The following LRRTM4 variants were observed in gnomAD, a reference collection of about 807,000 sequenced individuals.
LRRTM4 encodes the protein leucine rich repeat transmembrane neuronal 4.
LRRTM4 carries 25 observed loss-of-function variants against 47.6 expected under a neutral mutation model. The observed-to-expected ratio is 0.53, with a 90% CI of 0.38 to 0.73. LRRTM4 has a LOEUF of 0.73. LRRTM4 is among the 30% of genes least tolerant of loss of function. The probability of loss-of-function intolerance (pLI) is 0.00; values close to 1 mark genes in which losing one functional copy is unlikely to be tolerated. For synonymous variants in LRRTM4, 311 were observed against 269.5 expected (o/e 1.15, Z -1.51); for missense variants, 638 against 713.4 (o/e 0.89, Z 1.20).
chr2:77,143,055 G>A (rs999511541), intron 3 of LRRTM4, among the ~76,000 whole-genome samples: 25 of 151,998 alleles, frequency 1.6e-4, no homozygotes, highest in African/African-American at 6.0e-4. Flanking sequence ...TCACAAAATG[G>A]CAACACAAGC....
intron 3 of LRRTM4, among the ~76,000 whole-genome samples, chr2:76,864,405 C>G (rs1573227992): frequency 6.6e-6 from 1 of 152,118 alleles, no homozygotes; most frequent in African/African-American, 2.4e-5. Flanking sequence ...TGCCTGTAAT[C>G]CAAGCACTTT....
intron 3 of LRRTM4, among the ~76,000 whole-genome samples, chr2:76,796,964 G>A (rs554982670): frequency 1.3e-5 from 2 of 152,204 alleles, no homozygotes; most frequent in African/African-American, 4.8e-5. Context: ...ATGGGACTAT[G>A]TGAAAAGACC....
intron 3 of LRRTM4, among the ~76,000 whole-genome samples, chr2:76,795,482 A>T (rs1306901067): frequency 6.6e-6 from 1 of 152,190 alleles, no homozygotes; most frequent in Non-Finnish European, 1.5e-5. Context: ...TACATTGTGT[A>T]GGTGTTAATA....
chr2:76,911,629 A>T (rs1415821142), intron 3 of LRRTM4, among the ~76,000 whole-genome samples: 1 of 152,070 alleles, frequency 6.6e-6, no homozygotes, highest in African/African-American at 2.4e-5. Flanking sequence ...CGGCAGAGAG[A>T]GAGAAAAGAA....
intron 3 of LRRTM4, among the ~76,000 whole-genome samples, chr2:77,491,371 C>G (rs1678155211): frequency 1.3e-5 from 2 of 151,436 alleles, no homozygotes; most frequent in South Asian, 4.2e-4. Context: ...AAAAAAAAAT[C>G]AGATGGAAAT....
rs1558683433 is a variant in LRRTM4, at chr2:77,313,291, A to ACCTGGTGCTGGGATGTGCCCCCCTAC, written c.1551+205026_1551+205027insGTAGGGGGGCACATCCCAGCACCAGG. Among the ~76,000 whole-genome samples the ACCTGGTGCTGGGATGTGCCCCCCTAC allele has an allele frequency of 3.5e-3, 326 of 92,004 alleles. 5 individuals are homozygous for ACCTGGTGCTGGGATGTGCCCCCCTAC. The highest frequency in any genetic ancestry group is 8.6e-3 in the African/African-American group (161 of 18,624). 60.4% of individuals were successfully genotyped at this position (92,004 alleles called of 152,430 possible). On this transcript the variant is annotated intron_variant, in intron 3 of 3. Transcript: ENST00000409884. ...CCTGTTGCTGGGATGTGCCCCCCTAACTTTTCCTGGGACCTGGTGCTGGGA... is the reference window on the plus strand; with the variant it reads ...CCTGTTGCTGGGATGTGCCCCCCTAACCTGGTGCTGGGATGTGCCCCCCTACCTTTTCCTGGGACCTGGTGCTGGGA...
rs150576433 is a variant in LRRTM4 at position 77,174,795 on chromosome 2, C to G, written c.1551+343523G>C. On this transcript the variant is annotated intron_variant, in intron 3 of 3. Transcript: ENST00000409884. Reference sequence around the variant, plus strand: ...ATATCACCTAATGCTATCCCTCCCCCCTCGCCCCACCCCACAACAGGCCCT... The same window carrying G: ...ATATCACCTAATGCTATCCCTCCCCGCTCGCCCCACCCCACAACAGGCCCT... Among the ~76,000 whole-genome samples, 67 of 152,096 alleles carry G rather than the reference C, an allele frequency of 4.4e-4. 1 individual carries two copies. The highest frequency in any genetic ancestry group is 1.6e-3 in the African/African-American group (65 of 41,502).
Position 77,312,516 on chromosome 2 carries a change from G to A in LRRTM4, c.1551+205802C>T, listed in dbSNP as rs369962599. On this transcript the variant is annotated intron_variant, in intron 3 of 3. Transcript: ENST00000409884. Reference sequence around the variant, plus strand: ...AGACAAATACATTTAATGGATTTTTGTTAATTAATACATAAATATTCATTG... The same window carrying A: ...AGACAAATACATTTAATGGATTTTTATTAATTAATACATAAATATTCATTG... Among the ~76,000 whole-genome samples, 16 of 152,186 alleles carry A rather than the reference G, an allele frequency of 1.1e-4. No homozygotes were observed. The East Asian group carries it at 3.1e-3, about 29-fold the overall frequency.
rs201611397 is a variant in LRRTM4 at position 76,853,171 on chromosome 2, TTAGA to T, written c.1552-104259_1552-104256del. On this transcript the variant is annotated intron_variant, in intron 3 of 3. Transcript: ENST00000409884. ...AGGTTTGATGCAATCACATTTGGTG[TTAGA>T]TAGATAACGCTGGGTACAGTGTGGA... Among the ~76,000 whole-genome samples the T allele has an allele frequency of 5.7e-3, 861 of 152,140 alleles. 12 individuals carry two copies. Among genetic ancestry groups the T allele is most frequent in the African/African-American group, 0.02 (816 of 41,532 alleles).
At chr2:77,052,150 CTTTTTTT>C (rs70939841) in intron 3 of LRRTM4, among the ~76,000 whole-genome samples, 7 of 63,598 alleles carry the variant, frequency 1.1e-4, no homozygotes, top group Non-Finnish European at 1.7e-4. Context: ...GTTACATTTC[CTTTTTTT>C]TTTTTTTTTT....
chr2:77,171,662 T>G (rs2103835284), intron 3 of LRRTM4, among the ~76,000 whole-genome samples: 1 of 151,966 alleles, frequency 6.6e-6, no homozygotes, highest in African/African-American at 2.4e-5. Flanking sequence ...TTTTTATTTA[T>G]ATTTTAAATT....
chr2:76,865,641 A>T (rs1672445410), intron 3 of LRRTM4, among the ~76,000 whole-genome samples: 1 of 152,164 alleles, frequency 6.6e-6, no homozygotes, highest in Non-Finnish European at 1.5e-5. Context: ...AATTCCTAAG[A>T]TATAATGATA....
At chr2:77,332,590 T>A (rs1671010719) in intron 3 of LRRTM4, among the ~76,000 whole-genome samples, 1 of 152,284 alleles carries the variant, frequency 6.6e-6, no homozygotes, top group Middle Eastern at 3.4e-3. Context: ...TTGCTAATCA[T>A]ATTTATTTTT....
chr2:76,895,931 C>A (rs1317970619), intron 3 of LRRTM4, among the ~76,000 whole-genome samples: 2 of 151,914 alleles, frequency 1.3e-5, no homozygotes, highest in Non-Finnish European at 2.9e-5. Flanking sequence ...GGTGGTGGAA[C>A]CTCACTGGGA....
intron 3 of LRRTM4, among the ~76,000 whole-genome samples, chr2:77,135,073 C>A (rs1671897672): frequency 6.6e-6 from 1 of 152,166 alleles, no homozygotes; most frequent in South Asian, 2.1e-4. Context: ...GGTAAAACAA[C>A]AACAGCAGCA....
intron 3 of LRRTM4, among the ~76,000 whole-genome samples, chr2:77,031,801 G>C (rs1326755194): frequency 1.3e-5 from 2 of 152,102 alleles, no homozygotes; most frequent in African/African-American, 4.8e-5. Flanking sequence ...AATTAATATA[G>C]TGAATTATAC....
In LRRTM4 at chr2:77,092,317, T is replaced by G. The variant is rs373214456; in HGVS notation, c.1552-343401A>C. ...TGACATTCACCCCATTTCCCCAAAT[T>G]TCCTTCTTTCCTGTTCCTCACCCTG... On this transcript the variant is annotated intron_variant, in intron 3 of 3. Coordinates refer to ENST00000409884, the MANE Select transcript of LRRTM4 (RefSeq NM_001134745.3). 4.0e-5 allele frequency among the ~76,000 whole-genome samples: 6 copies of G among 151,674 alleles called. No individual in the cohort carries two copies. The South Asian group carries it at 1.3e-3, about 32-fold the overall frequency.
chr2:77,502,850 C>T (rs978874375), intron 3 of LRRTM4, among the ~76,000 whole-genome samples: 5 of 151,508 alleles, frequency 3.3e-5, no homozygotes, highest in Middle Eastern at 3.4e-3. Flanking sequence ...CTGGTGAATG[C>T]GAATTCATTA....
intron 3 of LRRTM4, among the ~76,000 whole-genome samples, chr2:77,271,129 A>G (rs188264894): frequency 5.3e-5 from 8 of 152,214 alleles, no homozygotes; most frequent in African/African-American, 1.9e-4. Flanking sequence ...TCATCAGTCA[A>G]TAAAATTCTT....
Sources: gnomAD v4.1 joint callset for allele counts (sites outside exome capture counted in the v4.1 genomes callset) on GRCh38, gnomAD v4.1.1 for gene constraint, MANE v1.5 for transcripts, NCBI Gene and HGNC (gene_info 2026-07-23, HGNC 2026-07-21) for gene names.